GIP: variants seen among roughly 807,000 people sequenced by gnomAD.
GIP encodes gastric inhibitory polypeptide, also known as glucose-dependent insulinotropic polypeptide.
A neutral mutation model predicts 18.1 loss-of-function variants in GIP; 16 were observed. That is an observed-to-expected ratio of 0.88 (90% CI 0.60 to 1.34). The LOEUF (loss-of-function observed/expected upper bound fraction) is 1.34, where lower values mean the gene tolerates loss of function less well. Ranked by LOEUF, GIP falls within the 40% of genes most tolerant of loss-of-function variation. The pLI is 0.00. For missense variants in GIP, 192 were observed against 183.4 expected (o/e 1.05, Z -0.27); for synonymous variants, 76 against 74.0 (o/e 1.03, Z -0.14).
At chr17:48,964,866 G>A (rs1417070682) in intron 2 of GIP, among the ~76,000 whole-genome samples, 2 of 152,138 alleles carry the variant, frequency 1.3e-5, no homozygotes, top group African/African-American at 2.4e-5. Context: ...TTGGCAGGGC[G>A]TGGTGGCTTA....
chr17:48,961,095 G>A (rs1457408313), intron 4 of GIP, 108 bp from the exon 5 acceptor site: 5 of 660,158 alleles, frequency 7.6e-6, no homozygotes, highest in African/African-American at 7.3e-5. Context: ...TGGGGGGAGG[G>A]AGCCGACACA....
Position 48,963,841 on chromosome 17 carries a change from C to CAAAA in GIP, c.257+465_257+468dup, listed in dbSNP as rs60257330. Among the ~76,000 whole-genome samples, 61 of 35,784 alleles carry CAAAA rather than the reference C, an allele frequency of 1.7e-3. 2 individuals carry two copies. The highest frequency in any genetic ancestry group is 6.8e-3 in the East Asian group (8 of 1,182). The allele number at this position is 35,784 out of a possible 152,430, so 23.5% of individuals were successfully genotyped here. A position where few individuals can be genotyped will look rare whatever the true frequency, so the allele number is the denominator to read the frequency against. On this transcript the variant is annotated intron_variant, in intron 3 of 5. Transcript: ENST00000357424. ...GGGCAACAAGAGCAAAACTCTGTCT[C>CAAAA]AAAAAAAAAAAAAAAAAAAAAAGAG...
chr17:48,964,305 C>T lies in GIP; in HGVS notation c.257+5G>A. The T allele has an allele frequency of 1.9e-6, 3 of 1,611,640 alleles. No homozygotes were observed. The highest frequency in any genetic ancestry group is 1.7e-6 in the Non-Finnish European group (2 of 1,177,892). On this transcript the variant is annotated splice_donor_5th_base_variant and intron_variant, in intron 3 of 5. Transcript: ENST00000357424. ...GGAACAGGAGGAGTGTAAGCAGCGA[C>T]TCACTCATTCTTCTTCCCCTTTTGG... is the stretch of plus-strand genomic sequence containing the variant.
At chr17:48,967,422 C>A (rs1338177381) in intron 1 of GIP, among the ~76,000 whole-genome samples, 169 bp from the exon 2 acceptor site, 1 of 148,148 alleles carries the variant, frequency 6.8e-6, no homozygotes, top group East Asian at 2.0e-4. Flanking sequence ...TGCAGTGGCA[C>A]AATCTTGGCT....
At chr17:48,962,464 G>A (rs561082838) in intron 3 of GIP, among the ~76,000 whole-genome samples, 4 of 151,932 alleles carry the variant, frequency 2.6e-5, no homozygotes, top group South Asian at 2.1e-4. Flanking sequence ...CGCCTCCAGG[G>A]TTCAAGCAAT....
At position 48,958,736 on chromosome 17, in the gene GIP, GAGA is replaced by G. The variant is rs777314210; in HGVS notation, c.453-23_453-21del. Reference sequence around the variant, plus strand: ...CGAGACCTGGGGAGAGTGGGGAAAGGAGAAGAAGGTTGTTATGGACTTGGAGTC... The same window carrying G: ...CGAGACCTGGGGAGAGTGGGGAAAGGAGAAGGTTGTTATGGACTTGGAGTC... On this transcript the variant is annotated intron_variant, in intron 5 of 5. Coordinates refer to ENST00000357424, the MANE Select transcript of GIP (RefSeq NM_004123.3). 64 of 1,574,332 alleles carry G rather than the reference GAGA, an allele frequency of 4.1e-5. No homozygotes were observed. The highest frequency in any genetic ancestry group is 4.9e-5 in the Non-Finnish European group (57 of 1,159,718).
chr17:48,960,991 C>G lies in GIP; in HGVS notation c.351-4G>C, dbSNP rs2041197836. On this transcript the variant is annotated splice_region_variant and splice_polypyrimidine_tract_variant and intron_variant, in intron 4 of 5. Coordinates refer to ENST00000357424, the MANE Select transcript of GIP (RefSeq NM_004123.3). ...GCTGGGGTTCTTGGCTGGGGAGCTGCAAGGGAACAGTCTCTGGCTAACTAT... is the reference window on the plus strand; with the variant it reads ...GCTGGGGTTCTTGGCTGGGGAGCTGGAAGGGAACAGTCTCTGGCTAACTAT... 6.3e-7 allele frequency: 1 copy of G among 1,595,344 alleles called. No homozygotes were observed. The highest frequency in any genetic ancestry group is 8.6e-7 in the Non-Finnish European group (1 of 1,168,728).
At chr17:48,959,193 G>T (rs937426905) in intron 5 of GIP, among the ~76,000 whole-genome samples, 4 of 152,064 alleles carry the variant, frequency 2.6e-5, no homozygotes, top group African/African-American at 9.7e-5. Context: ...TCACTGTGGT[G>T]CCCAAGCTGG....
intron 2 of GIP, 134 bp downstream of exon 2, chr17:48,967,013 C>T: frequency 1.5e-6 from 1 of 655,552 alleles, no homozygotes; most frequent in Non-Finnish European, 2.7e-6. Context: ...ACGCTGCCGG[C>T]AGGTATTTCC....
chr17:48,968,177 C>T (rs2041245626), intron 1 of GIP, among the ~76,000 whole-genome samples: 1 of 152,184 alleles, frequency 6.6e-6, no homozygotes, highest in East Asian at 1.9e-4. Flanking sequence ...ACTGCAGCCT[C>T]GACCTCCTGG....
rs1038509898 is a variant in GIP, at chr17:48,960,935, G to C, written c.403C>G (p.Gln135Glu). The C allele has an allele frequency of 1.9e-6, 3 of 1,609,446 alleles. No homozygotes were observed. The highest frequency in any genetic ancestry group is 2.5e-6 in the Non-Finnish European group (3 of 1,178,250). Residue 135 changes from glutamine (Q) to glutamate (E), a missense_variant, in exon 5 of 6, where the codon CAA becomes GAA. Gln to Glu is a conservative substitution (Grantham distance 29). Transcript: ENST00000357424. ...DEDLLRDLLIQELLACLLDQT... is the reference protein window; with the variant it reads ...DEDLLRDLLIEELLACLLDQT... ...TCCAGCAAGCAGGCCAACAGCTCTT[G>C]AATCAGCAAGTCCCGCAGCAAATCT...
At position 48,961,763 on chromosome 17, in the gene GIP, G is replaced by C; in HGVS notation, c.314C>G (p.Ala105Gly). ...CACTGCCTCCTCCTCCTTCCTATTAGCTTGACTGGCCAGCTCCAGCGCCCG... is the reference window on the plus strand; with the variant it reads ...CACTGCCTCCTCCTCCTTCCTATTACCTTGACTGGCCAGCTCCAGCGCCCG... ...EARALELASQ[A>G]NRKEEEAVEP... Residue 105 changes from alanine (A) to glycine (G), a missense_variant, in exon 4 of 6, where the codon GCT (alanine) becomes GGT (glycine). Transcript: ENST00000357424. 1 of 1,612,602 alleles carries C rather than the reference G, an allele frequency of 6.2e-7. No homozygotes were observed. The highest frequency in any genetic ancestry group is 2.2e-5 in the East Asian group (1 of 44,868).
chr17:48,963,334 GACCA>G (rs2041211526), intron 3 of GIP, among the ~76,000 whole-genome samples: 1 of 151,834 alleles, frequency 6.6e-6, no homozygotes, highest in Non-Finnish European at 1.5e-5. Flanking sequence ...AGACCTGCCT[GACCA>G]ACATGGAACC....
At chr17:48,960,807 G>A (rs577697328) in intron 5 of GIP, 79 bp downstream of exon 5, 2 of 837,154 alleles carry the variant, frequency 2.4e-6, no homozygotes, top group East Asian at 2.6e-5. Flanking sequence ...CAGCCAGCAT[G>A]TGGAGGGGCA....
At chr17:48,963,670 C>CA (rs780031729) in intron 3 of GIP, among the ~76,000 whole-genome samples, 140 of 147,652 alleles carry the variant, frequency 9.5e-4, no homozygotes, top group Non-Finnish European at 1.7e-3. Context: ...AAAAGAACAA[C>CA]AAAAAAATAC....
chr17:48,968,067 A>C (rs2041244938), intron 1 of GIP, among the ~76,000 whole-genome samples: 1 of 151,878 alleles, frequency 6.6e-6, no homozygotes, highest in Non-Finnish European at 1.5e-5. Context: ...AAATAAATAA[A>C]GGAAACATCA....
At chr17:48,967,022 C>T (rs2041238977) in intron 2 of GIP, 125 bp downstream of exon 2, 6 of 696,564 alleles carry the variant, frequency 8.6e-6, no homozygotes, top group East Asian at 2.6e-5. Context: ...GCAGGTATTT[C>T]CCTGGAGCTT....
chr17:48,962,482 C>T (rs2041205831), intron 3 of GIP, among the ~76,000 whole-genome samples: 1 of 150,600 alleles, frequency 6.6e-6, no homozygotes, highest in African/African-American at 2.4e-5. Context: ...AATTCTCATG[C>T]CTCAGCCTCC....
intron 3 of GIP, among the ~76,000 whole-genome samples, chr17:48,963,995 CAAAAAAAA>C (rs10718451): frequency 1.5e-5 from 2 of 132,570 alleles, no homozygotes; most frequent in African/African-American, 5.4e-5. Context: ...ACTGAAAATA[CAAAAAAAA>C]AAAAAAATTA....
Sources: gnomAD v4.1 joint callset for allele counts (sites outside exome capture counted in the v4.1 genomes callset) on GRCh38, gnomAD v4.1.1 for gene constraint, MANE v1.5 for transcripts, NCBI Gene and HGNC (gene_info 2026-07-23, HGNC 2026-07-21) for gene names.